Variants in MAP4K3 observed in about 807,000 individuals in gnomAD.
MAP4K3 encodes the protein MAPK/ERK kinase kinase kinase 3.
MAP4K3 carries 94 observed loss-of-function variants against 143.5 expected under a neutral mutation model. The ratio of observed to expected loss-of-function variants is 0.65; its 90% CI spans 0.55 to 0.78. MAP4K3 has a LOEUF of 0.78. Ranked by LOEUF, MAP4K3 falls within the 30% of genes least tolerant of loss-of-function variation. MAP4K3 has a pLI of 0.00. For synonymous variants in MAP4K3, 416 were observed against 347.2 expected (o/e 1.20, Z -2.20); for missense variants, 1,077 against 1,068.1 (o/e 1.01, Z -0.12).
At chr2:39,370,458 A>AT (rs886083810) in intron 2 of MAP4K3, among the ~76,000 whole-genome samples, 2 of 152,222 alleles carry the variant, frequency 1.3e-5, no homozygotes, top group Non-Finnish European at 2.9e-5. Flanking sequence ...ATGATGAAAG[A>AT]TAAGGAGGCA....
intron 1 of MAP4K3, among the ~76,000 whole-genome samples, chr2:39,415,747 T>C (rs1051669097): frequency 3.3e-5 from 5 of 150,286 alleles, no homozygotes; most frequent in African/African-American, 1.2e-4. Flanking sequence ...AGGTCAGGAG[T>C]TCGAGACCAG....
intron 16 of MAP4K3, among the ~76,000 whole-genome samples, chr2:39,296,801 T>C (rs1216913808): frequency 6.6e-6 from 1 of 152,222 alleles, no homozygotes; most frequent in Non-Finnish European, 1.5e-5. Context: ...ATAACTACCA[T>C]AAATAAAGGC....
At chr2:39,293,481 T>C (rs1682141186) in intron 16 of MAP4K3, among the ~76,000 whole-genome samples, 1 of 152,182 alleles carries the variant, frequency 6.6e-6, no homozygotes, top group Non-Finnish European at 1.5e-5. Context: ...AATGTCTTTA[T>C]ATATGTATTT....
intron 2 of MAP4K3, among the ~76,000 whole-genome samples, chr2:39,367,591 C>T (rs144543811): frequency 6.6e-5 from 10 of 151,624 alleles, no homozygotes; most frequent in Non-Finnish European, 1.3e-4. Context: ...GAAACCATGG[C>T]CCTGGCTCCC....
Position 39,290,323 on chromosome 2 carries a change from T to C in MAP4K3, c.1283A>G (p.Lys428Arg), listed in dbSNP as rs1416781387. Residue 428 changes from lysine (K) to arginine (R), a missense_variant, in exon 19 of 34, where the codon AAA becomes AGA. Lys to Arg is a conservative substitution (Grantham distance 26). Transcript: ENST00000263881. Reference protein sequence around the residue: ...DDDESKHSTLKAKIPPPLPPK... With the variant: ...DDDESKHSTLRAKIPPPLPPK... ...TGGCAAAGGAGGTGGAATTTTTGCTTTCAGAGTTGAGCTAAAAACAGAAAA... is the reference window on the plus strand; with the variant it reads ...TGGCAAAGGAGGTGGAATTTTTGCTCTCAGAGTTGAGCTAAAAACAGAAAA... 1 of 1,607,088 alleles carries C rather than the reference T, an allele frequency of 6.2e-7. No homozygotes were observed. Among genetic ancestry groups the C allele is most frequent in the Non-Finnish European group, 8.5e-7 (1 of 1,177,020 alleles).
intron 1 of MAP4K3, among the ~76,000 whole-genome samples, chr2:39,395,429 C>T (rs999010873): frequency 3.9e-5 from 6 of 152,116 alleles, no homozygotes; most frequent in Non-Finnish European, 7.4e-5. Flanking sequence ...TCTGATAATG[C>T]TGGCTTTTTA....
At chr2:39,356,029 T>G in intron 3 of MAP4K3, 1 of 423,566 alleles carries the variant, frequency 2.4e-6, no homozygotes, top group Non-Finnish European at 4.2e-6. Flanking sequence ...TGCCAGCATT[T>G]TCACTAAAAG....
chr2:39,338,671 C>T (rs1296267706), intron 4 of MAP4K3, among the ~76,000 whole-genome samples: 1 of 152,194 alleles, frequency 6.6e-6, no homozygotes, highest in Non-Finnish European at 1.5e-5. Flanking sequence ...CCCTCCAGAA[C>T]TCACGTTGAA....
chr2:39,370,904 CTTAT>C (rs1423720086), intron 2 of MAP4K3, among the ~76,000 whole-genome samples: 4 of 152,140 alleles, frequency 2.6e-5, no homozygotes, highest in Non-Finnish European at 5.9e-5. Context: ...AGATCTATAA[CTTAT>C]TTATATAATA....
chr2:39,298,180 A>T (rs983148853), intron 16 of MAP4K3, among the ~76,000 whole-genome samples: 5 of 151,962 alleles, frequency 3.3e-5, no homozygotes, highest in African/African-American at 4.8e-5. Context: ...CACTTCAAAA[A>T]TTTTTTTTAT....
At chr2:39,407,501 T>C (rs554524780) in intron 1 of MAP4K3, among the ~76,000 whole-genome samples, 1 of 152,332 alleles carries the variant, frequency 6.6e-6, no homozygotes, top group African/African-American at 2.4e-5. Flanking sequence ...CCAGACACCA[T>C]TAAGAAAATC....
intron 2 of MAP4K3, among the ~76,000 whole-genome samples, chr2:39,362,980 C>G (rs539668308): frequency 6.6e-6 from 1 of 152,282 alleles, no homozygotes; most frequent in East Asian, 1.9e-4. Flanking sequence ...CTGGGAAAAA[C>G]TGGATGGCAG....
chr2:39,363,662 C>T (rs1254248994), intron 2 of MAP4K3, among the ~76,000 whole-genome samples: 1 of 87,352 alleles, frequency 1.1e-5, no homozygotes, highest in Non-Finnish European at 2.1e-5. Flanking sequence ...GAGTGAGACT[C>T]TGTCTCAAAA....
At chr2:39,308,097 C>A (rs1159842063) in intron 14 of MAP4K3, 92 bp from the exon 15 acceptor site, 2 of 828,874 alleles carry the variant, frequency 2.4e-6, no homozygotes, top group Non-Finnish European at 3.8e-6. Context: ...TGAAGTAAGT[C>A]CTGCTAATAT....
intron 2 of MAP4K3, among the ~76,000 whole-genome samples, chr2:39,359,864 G>C (rs1320435377): frequency 2.0e-5 from 3 of 152,208 alleles, no homozygotes; most frequent in Admixed American, 6.5e-5. Context: ...GCACACAGCA[G>C]GGGGAGCCCT....
At chr2:39,367,113 T>G (rs1311578734) in intron 2 of MAP4K3, among the ~76,000 whole-genome samples, 2 of 152,262 alleles carry the variant, frequency 1.3e-5, no homozygotes, top group Non-Finnish European at 2.9e-5. Flanking sequence ...TTTATTTGTT[T>G]GGCTGTATTT....
intron 13 of MAP4K3, among the ~76,000 whole-genome samples, chr2:39,312,015 T>A (rs1682955498): frequency 6.6e-6 from 1 of 152,142 alleles, no homozygotes; most frequent in South Asian, 2.1e-4. Flanking sequence ...AAATACAAAT[T>A]AATATTGACC....
In MAP4K3 at chr2:39,269,867, T is replaced by C. The variant is rs34972509; in HGVS notation, c.1973+2416A>G. Among the ~76,000 whole-genome samples the C allele has an allele frequency of 1.9e-3, 288 of 152,314 alleles. 1 individual carries two copies. Among genetic ancestry groups the C allele is most frequent in the Non-Finnish European group, 3.5e-3 (240 of 68,036 alleles). Reference sequence around the variant, plus strand: ...TGACTAACTTTACATTAGGAAAAGTTTTACATTATAACTTACAATTATAAA... The same window carrying C: ...TGACTAACTTTACATTAGGAAAAGTCTTACATTATAACTTACAATTATAAA... On this transcript the variant is annotated intron_variant, in intron 26 of 33. Transcript: ENST00000263881.
At chr2:39,337,498 G>A in intron 5 of MAP4K3, 28 bp downstream of exon 5, 2 of 1,572,048 alleles carry the variant, frequency 1.3e-6, no homozygotes, top group South Asian at 1.1e-5. Flanking sequence ...AATGAAAAAT[G>A]TTATTTTTGA....
Sources: allele counts gnomAD v4.1 joint callset (sites outside exome capture counted in the v4.1 genomes callset), GRCh38; gene constraint gnomAD v4.1.1; transcripts MANE v1.5; gene names NCBI Gene and HGNC (gene_info 2026-07-23, HGNC 2026-07-21).